SMYD3: variants seen among roughly 807,000 people sequenced by gnomAD.
The protein encoded by SMYD3 is histone-lysine N-methyltransferase SMYD3.
A neutral mutation model predicts 57.7 loss-of-function variants in SMYD3; 36 were observed. The observed-to-expected ratio is 0.62, with a 90% CI of 0.48 to 0.82. SMYD3 has a LOEUF of 0.82. SMYD3 is among the 40% of genes least tolerant of loss of function. The probability of loss-of-function intolerance (pLI) is 0.00; values close to 1 mark genes in which losing one functional copy is unlikely to be tolerated. For synonymous variants in SMYD3, 211 were observed against 195.0 expected (o/e 1.08, Z -0.68); for missense variants, 515 against 538.8 (o/e 0.96, Z 0.44).
intron 1 of SMYD3, among the ~76,000 whole-genome samples, chr1:246,461,615 A>G (rs927467669): frequency 6.6e-6 from 1 of 151,848 alleles, no homozygotes; most frequent in African/African-American, 2.4e-5. Context: ...TGTAAAAAAA[A>G]AATTAAAATT....
chr1:246,181,347 T>C (rs76662734), intron 5 of SMYD3, among the ~76,000 whole-genome samples: 1,710 of 152,286 alleles, frequency 0.011, 14 homozygotes, highest in Middle Eastern at 0.037. Flanking sequence ...TCCTTGACAT[T>C]ATACTCAGCT....
chr1:246,178,679 C>G (rs1456804973), intron 5 of SMYD3: 1 of 152,128 alleles, frequency 6.6e-6, no homozygotes, highest in Non-Finnish European at 1.5e-5. Flanking sequence ...TTGAAGGTCC[C>G]CAAAGTGAGC....
chr1:246,392,568 C>T (rs575848208), intron 1 of SMYD3, among the ~76,000 whole-genome samples: 66 of 152,040 alleles, frequency 4.3e-4, no homozygotes, highest in African/African-American at 1.6e-3. Context: ...CCAGGTTCAC[C>T]TCCCGAATAG....
chr1:245,998,530 G>A (rs900866582), intron 5 of SMYD3, among the ~76,000 whole-genome samples: 2 of 152,164 alleles, frequency 1.3e-5, no homozygotes, highest in African/African-American at 4.8e-5. Flanking sequence ...TATTGGTGAG[G>A]ATGTAGAGAA....
intron 5 of SMYD3, among the ~76,000 whole-genome samples, chr1:246,054,360 T>C (rs190048794): frequency 1.1e-3 from 172 of 152,314 alleles, no homozygotes; most frequent in Admixed American, 2.7e-3. Context: ...AGCAGTCTTG[T>C]AGTTTTTTAT....
intron 5 of SMYD3, among the ~76,000 whole-genome samples, chr1:246,037,244 T>C (rs1381520640): frequency 1.3e-5 from 2 of 152,244 alleles, no homozygotes; most frequent in African/African-American, 4.8e-5. Context: ...TATCTGTATC[T>C]ATATAGTACC....
chr1:245,817,028 A>G (rs1056048469), intron 10 of SMYD3, among the ~76,000 whole-genome samples: 15 of 151,600 alleles, frequency 9.9e-5, no homozygotes, highest in South Asian at 2.1e-4. Flanking sequence ...GGAAGCTCGA[A>G]CTGGGTGGAG....
intron 10 of SMYD3, among the ~76,000 whole-genome samples, chr1:245,815,054 T>A (rs969856821): frequency 2.0e-5 from 3 of 152,142 alleles, no homozygotes; most frequent in Non-Finnish European, 4.4e-5. Flanking sequence ...AGCAGGACAA[T>A]GGTCTTGATC....
intron 1 of SMYD3, among the ~76,000 whole-genome samples, chr1:246,438,178 A>G (rs901516491): frequency 1.3e-5 from 2 of 152,240 alleles, no homozygotes; most frequent in African/African-American, 4.8e-5. Context: ...TTAACTAGGA[A>G]TGACAGCATA....
At chr1:246,347,483 T>C (rs2065741916) in intron 2 of SMYD3, among the ~76,000 whole-genome samples, 1 of 152,230 alleles carries the variant, frequency 6.6e-6, no homozygotes, top group Non-Finnish European at 1.5e-5. Context: ...TGTTTATAGA[T>C]ACTGAAATGG....
At chr1:246,026,513 C>T (rs919302960) in intron 5 of SMYD3, among the ~76,000 whole-genome samples, 4 of 152,194 alleles carry the variant, frequency 2.6e-5, no homozygotes, top group Admixed American at 2.0e-4. Flanking sequence ...CATGTGTGCA[C>T]TTCATGTGTC....
At chr1:246,359,700 A>G (rs2065959198) in intron 1 of SMYD3, among the ~76,000 whole-genome samples, 1 of 152,206 alleles carries the variant, frequency 6.6e-6, no homozygotes, top group South Asian at 2.1e-4. Context: ...ACAGAATTAA[A>G]AACAAGAATC....
At chr1:245,850,050 T>C (rs9663029) in intron 10 of SMYD3, among the ~76,000 whole-genome samples, 81,690 of 151,630 alleles carry the variant, frequency 0.54, 22,471 homozygotes, top group East Asian at 0.84. Context: ...TATGTATAAC[T>C]TGGGGTTTGG....
At chr1:246,248,710 T>C (rs1266125708) in intron 5 of SMYD3, among the ~76,000 whole-genome samples, 1 of 147,176 alleles carries the variant, frequency 6.8e-6, no homozygotes, top group Non-Finnish European at 1.5e-5. Flanking sequence ...GGTGCAATCT[T>C]GGCTCACTGC....
chr1:246,295,155 T>G (rs1312461424), intron 5 of SMYD3, among the ~76,000 whole-genome samples: 1 of 152,076 alleles, frequency 6.6e-6, no homozygotes, highest in Non-Finnish European at 1.5e-5. Context: ...AGTATTCTAA[T>G]AGCAGCACCA....
intron 10 of SMYD3, among the ~76,000 whole-genome samples, chr1:245,780,674 A>G (rs6692134): frequency 0.093 from 14,182 of 152,270 alleles, 779 homozygotes; most frequent in Admixed American, 0.16. Context: ...TTTAAAGTGG[A>G]TTTTATGGTA....
At chr1:246,451,614 G>A (rs2067633464) in intron 1 of SMYD3, among the ~76,000 whole-genome samples, 1 of 152,216 alleles carries the variant, frequency 6.6e-6, no homozygotes, top group Non-Finnish European at 1.5e-5. Flanking sequence ...AAGGGTGAAC[G>A]CTAATGTAAA....
At chr1:245,918,730 C>T (rs1481594780) in intron 7 of SMYD3, among the ~76,000 whole-genome samples, 1 of 152,178 alleles carries the variant, frequency 6.6e-6, no homozygotes, top group East Asian at 1.9e-4. Context: ...GTCCCAGTTT[C>T]CTTACAGGAG....
chr1:245,912,640 A>G (rs1419743397), intron 8 of SMYD3, among the ~76,000 whole-genome samples: 2 of 152,214 alleles, frequency 1.3e-5, no homozygotes, highest in African/African-American at 2.4e-5. Flanking sequence ...AAAACATGGA[A>G]TTGGTATAAA....
Sources: allele counts gnomAD v4.1 joint callset (sites outside exome capture counted in the v4.1 genomes callset), GRCh38; gene constraint gnomAD v4.1.1; transcripts MANE v1.5; gene names NCBI Gene and HGNC (gene_info 2026-07-23, HGNC 2026-07-21).